Variants in ACTR3C observed in about 807,000 individuals in gnomAD.
ACTR3C encodes actin-related protein 3C.
Under a neutral mutation model 26.3 loss-of-function variants are expected in ACTR3C, and 18 were observed. The observed-to-expected ratio is 0.68, with a 90% CI of 0.47 to 1.01. ACTR3C has a LOEUF of 1.01. ACTR3C is among the 50% of genes least tolerant of loss of function. The pLI, the probability that ACTR3C is intolerant of heterozygous loss-of-function variation, is 0.00. For missense variants in ACTR3C, 184 were observed against 250.7 expected (o/e 0.73, Z 1.80); for synonymous variants, 55 against 94.5 (o/e 0.58, Z 2.42).
chr7:150,013,531 C>A, the ACTR3C span, among the ~76,000 whole-genome samples: 1 of 152,232 alleles, frequency 6.6e-6, no homozygotes, highest in Non-Finnish European at 1.5e-5. Context: ...GAGATTGGAG[C>A]CTGTCCCAGG....
intron 4 of ACTR3C, among the ~76,000 whole-genome samples, chr7:150,289,029 G>A (rs1473391041): frequency 3.3e-5 from 5 of 151,182 alleles, no homozygotes; most frequent in Middle Eastern, 6.8e-3. Flanking sequence ...ATGGCCACAT[G>A]TCACAGCCAC....
the ACTR3C span, among the ~76,000 whole-genome samples, chr7:149,944,743 C>T: frequency 5.3e-5 from 8 of 151,558 alleles, no homozygotes; most frequent in African/African-American, 1.9e-4. Context: ...GTCCTGTAGC[C>T]AGCACCTCCA....
intron 4 of ACTR3C, among the ~76,000 whole-genome samples, chr7:150,289,220 T>C (rs10263777): frequency 0.18 from 26,818 of 150,202 alleles, 3,290 homozygotes; most frequent in African/African-American, 0.33. Flanking sequence ...TGGTACGCTG[T>C]ACCAGCTACC....
the ACTR3C span, among the ~76,000 whole-genome samples, chr7:149,893,281 A>T: frequency 1.3e-5 from 2 of 152,144 alleles, no homozygotes; most frequent in Admixed American, 1.3e-4. Context: ...TGGCCCTTTT[A>T]TTCCTGCATT....
the ACTR3C span, among the ~76,000 whole-genome samples, chr7:150,178,327 G>C: frequency 2.0e-5 from 3 of 147,450 alleles, no homozygotes; most frequent in Non-Finnish European, 4.4e-5. Flanking sequence ...TTGTTGCCCA[G>C]GCTGGAGTAC....
chr7:150,115,709 T>G, the ACTR3C span, among the ~76,000 whole-genome samples: 1 of 152,098 alleles, frequency 6.6e-6, no homozygotes, highest in Non-Finnish European at 1.5e-5. Context: ...CATGGGCAAA[T>G]AGGTACAGTA....
At chr7:150,269,318 C>G (rs1834272130) in intron 6 of ACTR3C, among the ~76,000 whole-genome samples, 1 of 141,784 alleles carries the variant, frequency 7.1e-6, no homozygotes, top group African/African-American at 2.8e-5. Context: ...CCTTCACAAT[C>G]TGACCCCAGC....
At chr7:150,117,395 G>C in the ACTR3C span, among the ~76,000 whole-genome samples, 3 of 152,194 alleles carry the variant, frequency 2.0e-5, no homozygotes, top group Non-Finnish European at 4.4e-5. Flanking sequence ...AGCTTGGTGG[G>C]GGGAGGGGTG....
the ACTR3C span, among the ~76,000 whole-genome samples, chr7:150,189,749 A>G: frequency 1.7e-5 from 2 of 115,120 alleles, no homozygotes; most frequent in Middle Eastern, 3.7e-3. Context: ...TCTTTTTATC[A>G]GTGAGTAGTA....
At chr7:150,087,068 T>G in the ACTR3C span, among the ~76,000 whole-genome samples, 1 of 151,774 alleles carries the variant, frequency 6.6e-6, no homozygotes, top group African/African-American at 2.4e-5. Flanking sequence ...CTAAACATTA[T>G]CATCTGACCC....
the ACTR3C span, among the ~76,000 whole-genome samples, chr7:150,203,931 G>T: frequency 6.6e-6 from 1 of 151,724 alleles, no homozygotes; most frequent in East Asian, 1.9e-4. Context: ...AGCCCAAGGT[G>T]ACCTGTTACA....
chr7:150,219,857 A>AG, the ACTR3C span, among the ~76,000 whole-genome samples: 14 of 144,864 alleles, frequency 9.7e-5, 1 homozygote, highest in African/African-American at 1.7e-4. Context: ...GCTCTGGCCC[A>AG]GGGGGGTCTG....
the ACTR3C span, among the ~76,000 whole-genome samples, chr7:150,046,404 A>G: frequency 6.9e-6 from 1 of 144,914 alleles, no homozygotes; most frequent in South Asian, 2.2e-4. Context: ...GAAACAGGGA[A>G]ACAGCATGGC....
the ACTR3C span, among the ~76,000 whole-genome samples, chr7:150,084,269 T>C: frequency 6.6e-6 from 1 of 152,100 alleles, no homozygotes; most frequent in Non-Finnish European, 1.5e-5. Context: ...CTTTAAAAAC[T>C]GAATGTTTCC....
At chr7:150,272,666 G>T (rs1834536411) in intron 6 of ACTR3C, among the ~76,000 whole-genome samples, 1 of 132,366 alleles carries the variant, frequency 7.6e-6, no homozygotes, top group Admixed American at 7.0e-5. Context: ...TAGCCTAATA[G>T]TGTCTTTTTT....
the ACTR3C span, among the ~76,000 whole-genome samples, chr7:150,118,633 A>C: frequency 8.4e-4 from 123 of 145,700 alleles, 2 homozygotes; most frequent in East Asian, 0.02. Context: ...AGTGACAGGA[A>C]GAATGGAACC....
the ACTR3C span, among the ~76,000 whole-genome samples, chr7:150,141,234 A>G: frequency 6.6e-6 from 1 of 152,226 alleles, no homozygotes; most frequent in Non-Finnish European, 1.5e-5. Context: ...TTGGCTTTCC[A>G]CCTGAAATGT....
At chr7:150,170,966 T>C in the ACTR3C span, among the ~76,000 whole-genome samples, 3 of 137,466 alleles carry the variant, frequency 2.2e-5, no homozygotes, top group African/African-American at 6.2e-5. Context: ...ATAGCAGAGC[T>C]TCAAACTACA....
chr7:149,987,001 C>A, the ACTR3C span, among the ~76,000 whole-genome samples: 132 of 142,214 alleles, frequency 9.3e-4, no homozygotes, highest in African/African-American at 3.4e-3. Context: ...CCCGCCCCAC[C>A]CACTAAAGAC....
Sources: gnomAD v4.1 joint callset for allele counts (sites outside exome capture counted in the v4.1 genomes callset) on GRCh38, gnomAD v4.1.1 for gene constraint, MANE v1.5 for transcripts, NCBI Gene and HGNC (gene_info 2026-07-23, HGNC 2026-07-21) for gene names.